CACNA2D4: variants seen among roughly 807,000 people sequenced by gnomAD.
The protein encoded by CACNA2D4 is calcium voltage-gated channel auxiliary subunit alpha2delta 4, also known as voltage-dependent calcium channel subunit alpha-2/delta-4.
A neutral mutation model predicts 163.8 loss-of-function variants in CACNA2D4; 157 were observed. The ratio of observed to expected loss-of-function variants is 0.96; its 90% CI spans 0.84 to 1.09. The LOEUF is 1.09. Among genes scored for constraint, CACNA2D4 ranks in the 50% least tolerant of loss-of-function variants. CACNA2D4 has a pLI of 0.00. For synonymous variants in CACNA2D4, 598 were observed against 586.9 expected (o/e 1.02, Z -0.27); for missense variants, 1,410 against 1,479.9 (o/e 0.95, Z 0.78).
intron 16 of CACNA2D4, among the ~76,000 whole-genome samples, chr12:1,877,480 C>A (rs1216589847): frequency 2.0e-5 from 3 of 152,172 alleles, no homozygotes; most frequent in Non-Finnish European, 4.4e-5. Context: ...CTATTCAGAA[C>A]CCCTAGAGTT....
At position 1,824,219 on chromosome 12, in the gene CACNA2D4, C is replaced by T. The variant is rs546956126; in HGVS notation, c.2552-12496G>A. On this transcript the variant is annotated intron_variant, in intron 26 of 37. Coordinates refer to ENST00000382722, the MANE Select transcript of CACNA2D4 (RefSeq NM_172364.5). ...GCCGTTTGCCCTGCTGAGAGGTGCCCGGCCTAGTCGTATCAAACTCAAATA... is the reference window on the plus strand; with the variant it reads ...GCCGTTTGCCCTGCTGAGAGGTGCCTGGCCTAGTCGTATCAAACTCAAATA... 2.1e-4 allele frequency among the ~76,000 whole-genome samples: 32 copies of T among 152,276 alleles called. No homozygotes were observed. The South Asian group carries it at 5.6e-3, about 27-fold the overall frequency.
chr12:1,861,960 G>T (rs1865534380), intron 18 of CACNA2D4, among the ~76,000 whole-genome samples: 1 of 152,168 alleles, frequency 6.6e-6, no homozygotes, highest in African/African-American at 2.4e-5. Context: ...GGTTTTGCCT[G>T]TTCTTATAGT....
chr12:1,808,546 G>A (rs1565676336), intron 29 of CACNA2D4, among the ~76,000 whole-genome samples: 2 of 152,198 alleles, frequency 1.3e-5, no homozygotes, highest in African/African-American at 2.4e-5. Flanking sequence ...ATGTGCATCC[G>A]CCCCTTTAGG....
intron 2 of CACNA2D4, 31 bp from the exon 3 acceptor site, chr12:1,913,170 A>C (rs1199970727): frequency 6.7e-7 from 1 of 1,486,416 alleles, no homozygotes; most frequent in Admixed American, 1.7e-5. Flanking sequence ...AGATGCGTGC[A>C]TGTGGTTTTG....
intron 26 of CACNA2D4, among the ~76,000 whole-genome samples, chr12:1,826,999 A>G (rs1176754739): frequency 2.0e-5 from 3 of 152,170 alleles, no homozygotes; most frequent in African/African-American, 4.8e-5. Context: ...GGAGGCTGCA[A>G]CCAGGAATTA....
At position 1,879,855 on chromosome 12, in the gene CACNA2D4, C is replaced by G; in HGVS notation, c.1512G>C (p.Leu504=). 2 of 1,601,706 alleles carry G rather than the reference C, an allele frequency of 1.2e-6. No individual in the cohort carries two copies. Among genetic ancestry groups the G allele is most frequent in the Non-Finnish European group, 1.7e-6 (2 of 1,174,278 alleles). The change falls in exon 14 of 38, where the codon CTG becomes CTC. Residue 504 remains leucine (L), a synonymous_variant. Transcript: ENST00000382722. ...GCATGGCCACAGTGGTGAGCAGTGT[C>G]AGGCTCTGAGCCTGCGAGCTGAGGA... ...SKLLSSQAQS[L]TLLTTVAMPV...
Position 1,879,789 on chromosome 12 carries a change from G to T in CACNA2D4, c.1563+15C>A, listed in dbSNP as rs1240374352. On this transcript the variant is annotated intron_variant, in intron 14 of 37. Coordinates refer to ENST00000382722, the MANE Select transcript of CACNA2D4 (RefSeq NM_172364.5). ...TCTAATCCCTGCTACAACGTCTCCA[G>T]GAGCGGCCACTCACCGTTTCGTTCT... The T allele has an allele frequency of 1.9e-6, 3 of 1,584,246 alleles. No homozygotes were observed. Among genetic ancestry groups the T allele is most frequent in the African/African-American group, 1.3e-5 (1 of 74,428 alleles).
At position 1,871,245 on chromosome 12, in the gene CACNA2D4, G is replaced by A. The variant is rs572068919; in HGVS notation, c.1878+3359C>T. ...TATGTGTGTGTACACATGTGCTGCT[G>A]GTGTGTGTACAAATGTGTGCCACTG... is the stretch of plus-strand genomic sequence containing the variant. On this transcript the variant is annotated intron_variant, in intron 18 of 37. Transcript: ENST00000382722. Among the ~76,000 whole-genome samples the A allele has an allele frequency of 1.1e-4, 16 of 148,466 alleles. No individual in the cohort carries two copies. The East Asian group carries it at 3.2e-3, about 30-fold the overall frequency.
At chr12:1,861,176 G>A (rs1865517485) in intron 18 of CACNA2D4, among the ~76,000 whole-genome samples, 1 of 152,172 alleles carries the variant, frequency 6.6e-6, no homozygotes, top group Admixed American at 6.5e-5. Flanking sequence ...GTGTCAGAAG[G>A]GACACAGAGA....
intron 26 of CACNA2D4, among the ~76,000 whole-genome samples, chr12:1,826,330 C>G (rs184575474): frequency 6.7e-6 from 1 of 149,920 alleles, no homozygotes; most frequent in Admixed American, 6.7e-5. Flanking sequence ...CATTTCTAGA[C>G]AGAAAGAAGC....
chr12:1,884,338 A>G lies in CACNA2D4; in HGVS notation c.1273-17T>C, dbSNP rs1285238945. 1 of 1,605,580 alleles carries G rather than the reference A, an allele frequency of 6.2e-7. No homozygotes were observed. The highest frequency in any genetic ancestry group is 2.2e-5 in the East Asian group (1 of 44,852). ...AACTCGGACCTAACCCACAAGACACAGAGGCACTCAGCAGCAAAATTCCCG... is the reference window on the plus strand; with the variant it reads ...AACTCGGACCTAACCCACAAGACACGGAGGCACTCAGCAGCAAAATTCCCG... On this transcript the variant is annotated splice_polypyrimidine_tract_variant and intron_variant, in intron 11 of 37. Transcript: ENST00000382722.
At chr12:1,819,001 T>TA (rs34331462) in intron 26 of CACNA2D4, among the ~76,000 whole-genome samples, 192 of 127,576 alleles carry the variant, frequency 1.5e-3, no homozygotes, top group African/African-American at 3.4e-3. Flanking sequence ...CTAAAAAAAT[T>TA]AAAAAAAAAA....
chr12:1,851,091 C>T (rs557201924), intron 23 of CACNA2D4, among the ~76,000 whole-genome samples: 1 of 152,244 alleles, frequency 6.6e-6, no homozygotes, highest in Non-Finnish European at 1.5e-5. Flanking sequence ...TCATTTTTCA[C>T]AGGCTGGTCT....
chr12:1,895,026 A>G (rs935856719), intron 6 of CACNA2D4, among the ~76,000 whole-genome samples: 1 of 152,238 alleles, frequency 6.6e-6, no homozygotes, highest in Non-Finnish European at 1.5e-5. Flanking sequence ...TATGATAAAT[A>G]CATTCAGTAC....
At chr12:1,851,073 G>C (rs1358945375) in intron 23 of CACNA2D4, among the ~76,000 whole-genome samples, 2 of 152,068 alleles carry the variant, frequency 1.3e-5, no homozygotes, top group Non-Finnish European at 2.9e-5. Flanking sequence ...TTTAGAGACG[G>C]GGTCTTGTCA....
At chr12:1,795,907 G>T in intron 35 of CACNA2D4, 127 bp from the exon 36 acceptor site, 1 of 695,032 alleles carries the variant, frequency 1.4e-6, no homozygotes, top group South Asian at 1.6e-5. Flanking sequence ...ATGAGGCAGG[G>T]CGGGTCGGGG....
At chr12:1,882,720 G>A in intron 13 of CACNA2D4, 147 bp downstream of exon 13, 1 of 786,024 alleles carries the variant, frequency 1.3e-6, no homozygotes, top group East Asian at 2.7e-5. Context: ...GAAAAGCATG[G>A]AAAAGCGGCT....
chr12:1,882,791 G>A, intron 13 of CACNA2D4, 76 bp downstream of exon 13: 2 of 1,528,650 alleles, frequency 1.3e-6, no homozygotes, highest in Middle Eastern at 3.4e-4. Flanking sequence ...TCCTGACCCA[G>A]GAAGTAACTT....
intron 6 of CACNA2D4, among the ~76,000 whole-genome samples, chr12:1,892,247 G>A (rs1299626953): frequency 1.3e-5 from 2 of 152,188 alleles, no homozygotes; most frequent in Non-Finnish European, 2.9e-5. Context: ...AGGAGAGAAT[G>A]AGATGATATA....
Sources: allele counts gnomAD v4.1 joint callset (sites outside exome capture counted in the v4.1 genomes callset), GRCh38; gene constraint gnomAD v4.1.1; transcripts MANE v1.5; gene names NCBI Gene and HGNC (gene_info 2026-07-23, HGNC 2026-07-21).